PTPRT: variants seen among roughly 807,000 people sequenced by gnomAD.
PTPRT encodes the protein protein tyrosine phosphatase receptor type T.
A neutral mutation model predicts 176.8 loss-of-function variants in PTPRT; 56 were observed. The observed-to-expected ratio is 0.32, with a 90% CI of 0.26 to 0.40. PTPRT has a LOEUF of 0.40. Among genes scored for constraint, PTPRT ranks in the 10% least tolerant of loss-of-function variants. PTPRT has a pLI of 1.00. For synonymous variants in PTPRT, 783 were observed against 739.0 expected (o/e 1.06, Z -0.96); for missense variants, 1,540 against 1,908.2 (o/e 0.81, Z 3.60).
At chr20:42,183,071 C>T (rs988779272) in intron 16 of PTPRT, among the ~76,000 whole-genome samples, 1 of 152,100 alleles carries the variant, frequency 6.6e-6, no homozygotes, top group Non-Finnish European at 1.5e-5. Flanking sequence ...CTCACTATCA[C>T]CAAGATGATC....
At chr20:42,939,161 T>G (rs913938522) in intron 1 of PTPRT, among the ~76,000 whole-genome samples, 2 of 152,220 alleles carry the variant, frequency 1.3e-5, no homozygotes, top group African/African-American at 4.8e-5. Context: ...TTTCCCCAAA[T>G]GGCAGTGCTT....
Position 42,725,471 on chromosome 20 carries a change from C to T in PTPRT, c.859+30991G>A, listed in dbSNP as rs181837365. 3.3e-5 allele frequency among the ~76,000 whole-genome samples: 5 copies of T among 151,998 alleles called. No homozygotes were observed. In the East Asian group the frequency reaches 9.7e-4, roughly 29 times the overall value. ...AACACTTGTACAATAGTATTAAAATCCTCCACTTTACAAATGAGAAAAGTG... is the reference window on the plus strand; with the variant it reads ...AACACTTGTACAATAGTATTAAAATTCTCCACTTTACAAATGAGAAAAGTG... On this transcript the variant is annotated intron_variant, in intron 6 of 30. Coordinates refer to ENST00000373187, the MANE Select transcript of PTPRT (RefSeq NM_007050.6).
intron 1 of PTPRT, among the ~76,000 whole-genome samples, chr20:43,155,118 A>G (rs1215868879): frequency 1.3e-5 from 2 of 152,228 alleles, no homozygotes; most frequent in Admixed American, 1.3e-4. Context: ...ATTAGTACAG[A>G]CATTATGAAA....
intron 1 of PTPRT, among the ~76,000 whole-genome samples, chr20:42,943,098 G>A (rs1197318450): frequency 2.0e-5 from 3 of 152,130 alleles, no homozygotes; most frequent in Non-Finnish European, 2.9e-5. Context: ...AAACCCAAAC[G>A]CAACTTGAGG....
chr20:42,606,211 C>T (rs1488469141), intron 7 of PTPRT, among the ~76,000 whole-genome samples: 2 of 151,392 alleles, frequency 1.3e-5, no homozygotes, highest in African/African-American at 4.9e-5. Flanking sequence ...CCCCTTCCAC[C>T]CCAAGATAAA....
intron 17 of PTPRT, among the ~76,000 whole-genome samples, chr20:42,159,625 A>T (rs1258232335): frequency 1.3e-5 from 2 of 152,130 alleles, no homozygotes; most frequent in Non-Finnish European, 2.9e-5. Context: ...CTCTAATTCG[A>T]ATATCCTTTC....
chr20:42,212,697 A>G (rs2055673434), intron 15 of PTPRT, among the ~76,000 whole-genome samples: 1 of 152,126 alleles, frequency 6.6e-6, no homozygotes, highest in Non-Finnish European at 1.5e-5. Flanking sequence ...TGTTGGGAGG[A>G]TTGAATGGTA....
intron 1 of PTPRT, among the ~76,000 whole-genome samples, chr20:42,946,868 T>C (rs964912370): frequency 2.0e-5 from 3 of 152,078 alleles, no homozygotes; most frequent in African/African-American, 7.2e-5. Context: ...ATTTTAGAAT[T>C]TTTAGCAACA....
chr20:42,155,877 C>G (rs746788649), intron 17 of PTPRT, among the ~76,000 whole-genome samples: 6 of 152,184 alleles, frequency 3.9e-5, no homozygotes, highest in Non-Finnish European at 8.8e-5. Context: ...ATCTAAAATG[C>G]AAATCTACTT....
chr20:42,677,798 A>G (rs2146062743), intron 7 of PTPRT, 68 bp downstream of exon 7: 1 of 1,521,338 alleles, frequency 6.6e-7, no homozygotes, highest in Non-Finnish European at 8.9e-7. Flanking sequence ...CAGGAAGGCA[A>G]GAGGAAAGCC....
intron 7 of PTPRT, among the ~76,000 whole-genome samples, chr20:42,517,232 G>A (rs964852656): frequency 2.0e-5 from 3 of 151,556 alleles, no homozygotes; most frequent in Non-Finnish European, 4.4e-5. Context: ...GGACTGCTCA[G>A]ATTTTTTTTT....
At chr20:42,095,509 C>T (rs1985113191) in intron 27 of PTPRT, among the ~76,000 whole-genome samples, 1 of 152,198 alleles carries the variant, frequency 6.6e-6, no homozygotes. Context: ...CTCACTCTCT[C>T]ACCTCCTTCA....
At chr20:43,169,232 G>C (rs910152138) in intron 1 of PTPRT, among the ~76,000 whole-genome samples, 1 of 152,178 alleles carries the variant, frequency 6.6e-6, no homozygotes, top group Admixed American at 6.5e-5. Context: ...GAGTCACTGC[G>C]ATTAGGGCAA....
intron 9 of PTPRT, among the ~76,000 whole-genome samples, chr20:42,409,021 C>T (rs1460918308): frequency 1.3e-5 from 2 of 152,302 alleles, no homozygotes; most frequent in Non-Finnish European, 2.9e-5. Flanking sequence ...GGTCTCACCT[C>T]CTAATACTAT....
intron 27 of PTPRT, among the ~76,000 whole-genome samples, chr20:42,096,721 CT>C (rs1285979183): frequency 2.0e-5 from 3 of 151,328 alleles, no homozygotes; most frequent in Non-Finnish European, 4.4e-5. Flanking sequence ...GTAACTGGGA[CT>C]ATAGACACAT....
At chr20:43,185,254 T>C (rs1464443805) in intron 1 of PTPRT, among the ~76,000 whole-genome samples, 2 of 152,252 alleles carry the variant, frequency 1.3e-5, no homozygotes, top group Non-Finnish European at 2.9e-5. Context: ...TTTATTGGAA[T>C]GCCATGGCCC....
intron 15 of PTPRT, among the ~76,000 whole-genome samples, chr20:42,233,066 C>T (rs1025216300): frequency 6.6e-6 from 1 of 152,154 alleles, no homozygotes; most frequent in Non-Finnish European, 1.5e-5. Flanking sequence ...TTGCCAGTTC[C>T]TCTCCTCTTC....
chr20:42,663,910 A>G (rs1252241266), intron 7 of PTPRT, among the ~76,000 whole-genome samples: 1 of 152,182 alleles, frequency 6.6e-6, no homozygotes, highest in Non-Finnish European at 1.5e-5. Flanking sequence ...CTTTGTCCTT[A>G]TAAATAATGC....
chr20:42,079,815 T>G lies in PTPRT; in HGVS notation c.*1064A>C, dbSNP rs918756593. The G allele has an allele frequency of 4.3e-6, 1 of 230,332 alleles. No individual in the cohort carries two copies. Among genetic ancestry groups the G allele is most frequent in the African/African-American group, 2.2e-5 (1 of 45,168 alleles). 14.3% of individuals were successfully genotyped at this position (230,332 alleles called of 1,614,324 possible). A position where few individuals can be genotyped will look rare whatever the true frequency, so the allele number is the denominator to read the frequency against. Reference sequence around the variant, plus strand: ...GACCATCTTCAGGCTCACCCATCTCTCCTTGCTCAGTGGCATGCTGTCCCA... The same window carrying G: ...GACCATCTTCAGGCTCACCCATCTCGCCTTGCTCAGTGGCATGCTGTCCCA... On this transcript the variant is annotated 3_prime_UTR_variant, in exon 31 of 31. Coordinates refer to ENST00000373187, the MANE Select transcript of PTPRT (RefSeq NM_007050.6).
Sources: gnomAD v4.1 joint callset for allele counts (sites outside exome capture counted in the v4.1 genomes callset) on GRCh38, gnomAD v4.1.1 for gene constraint, MANE v1.5 for transcripts, NCBI Gene and HGNC (gene_info 2026-07-23, HGNC 2026-07-21) for gene names.